CSF1: variants seen among roughly 807,000 people sequenced by gnomAD.
The protein encoded by CSF1 is macrophage colony-stimulating factor 1.
A neutral mutation model predicts 48.9 loss-of-function variants in CSF1; 9 were observed. The ratio of observed to expected loss-of-function variants is 0.18; its 90% CI spans 0.11 to 0.32. The LOEUF is 0.32. Among genes scored for constraint, CSF1 ranks in the 10% least tolerant of loss-of-function variants. The probability of loss-of-function intolerance (pLI) is 1.00; values close to 1 mark genes in which losing one functional copy is unlikely to be tolerated. For missense variants in CSF1, 672 were observed against 697.9 expected (o/e 0.96, Z 0.42); for synonymous variants, 305 against 284.1 (o/e 1.07, Z -0.74).
In CSF1 at chr1:109,924,209, GGAA is replaced by G; in HGVS notation, c.1569+25_1569+27del. The G allele has an allele frequency of 6.3e-7, 1 of 1,582,860 alleles. No individual in the cohort carries two copies. The highest frequency in any genetic ancestry group is 1.3e-5 in the African/African-American group (1 of 74,194). On this transcript the variant is annotated intron_variant, in intron 6 of 8. Transcript: ENST00000329608. ...GCGGCGGGTGAGTAGATCCCCATGA[GGAA>G]GAAGAGCACGTCCCTTAGGGCAGGG...
At position 109,923,697 on chromosome 1, in the gene CSF1, C is replaced by T. The variant is rs778019441; in HGVS notation, c.1076C>T (p.Pro359Leu). Reference sequence around the variant, plus strand: ...CCTGCATCAGCAAAGGGCCAACAGCCGGCAGATGTAACTGGTACCGCCTTG... The same window carrying T: ...CCTGCATCAGCAAAGGGCCAACAGCTGGCAGATGTAACTGGTACCGCCTTG... Reference protein sequence around the residue: ...PLPASAKGQQPADVTGTALPR... With the variant: ...PLPASAKGQQLADVTGTALPR... The change falls in exon 6 of 9, where the codon CCG (proline) becomes CTG (leucine). Residue 359 changes from proline to leucine, a missense_variant. This residue lies in a region of CSF1 where 591 missense variants were observed against 593.6 expected (regional missense o/e 1.00). Transcript: ENST00000329608. 2.1e-5 allele frequency: 34 copies of T among 1,613,402 alleles called. No individual in the cohort carries two copies. The highest frequency in any genetic ancestry group is 3.3e-5 in the South Asian group (3 of 90,992).
rs1308717597 is a variant in CSF1, at chr1:109,929,399, G to C, written c.*561G>C. ...TGCAGCCTGAGAGACGGGAAGAGGAGGCCTCTGGACCTGCTGGTCTGCACT... is the reference window on the plus strand; with the variant it reads ...TGCAGCCTGAGAGACGGGAAGAGGACGCCTCTGGACCTGCTGGTCTGCACT... On this transcript the variant is annotated 3_prime_UTR_variant, in exon 9 of 9. Transcript: ENST00000329608. 3 of 152,672 alleles carry C rather than the reference G, an allele frequency of 2.0e-5. No homozygotes were observed. The highest frequency in any genetic ancestry group is 7.2e-5 in the African/African-American group (3 of 41,450). The allele number at this position is 152,672 out of a possible 1,614,324, so 9.5% of individuals were successfully genotyped here.
intron 1 of CSF1, among the ~76,000 whole-genome samples, chr1:109,913,371 G>A (rs1387796806): frequency 1.3e-5 from 2 of 152,234 alleles, no homozygotes; most frequent in South Asian, 4.1e-4. Context: ...GCTTTTGGCT[G>A]AAGAAGGAGA....
intron 3 of CSF1, among the ~76,000 whole-genome samples, chr1:109,916,041 G>T (rs941406283): frequency 2.6e-5 from 4 of 152,048 alleles, no homozygotes; most frequent in African/African-American, 7.3e-5. Context: ...ATCCAGGAAG[G>T]TTGGCTGTAG....
chr1:109,921,728 A>C (rs1647551959), intron 4 of CSF1, 119 bp from the exon 5 acceptor site: 1 of 1,291,666 alleles, frequency 7.7e-7, no homozygotes, highest in Admixed American at 2.6e-5. Context: ...AAAGGGGAGC[A>C]AGGAAACAAA....
In CSF1 at chr1:109,916,182, C is replaced by T. The variant is rs973442237; in HGVS notation, c.225+486C>T. ...TGGACTTGCCCCACACCCAACCAGC[C>T]ACCAAGTGCTGCTGGTTCTGCCTCT... On this transcript the variant is annotated intron_variant, in intron 3 of 8. Coordinates refer to ENST00000329608, the MANE Select transcript of CSF1 (RefSeq NM_000757.6). Among the ~76,000 whole-genome samples, 8 of 152,160 alleles carry T rather than the reference C, an allele frequency of 5.3e-5. No homozygotes were observed. In the South Asian group the frequency reaches 1.0e-3, roughly 20 times the overall value.
chr1:109,924,831 G>A lies in CSF1; in HGVS notation c.1622+3G>A, dbSNP rs1233303116. ...CCCTTGGAGCAACCAGAGGGCAGGT[G>A]AGAGCTTGAGGTGGGGCTCTGGGAG... On this transcript the variant is annotated splice_donor_region_variant and intron_variant, in intron 7 of 8. Transcript: ENST00000329608. 1 of 1,605,670 alleles carries A rather than the reference G, an allele frequency of 6.2e-7. No homozygotes were observed. Among genetic ancestry groups the A allele is most frequent in the African/African-American group, 1.3e-5 (1 of 74,852 alleles).
Position 109,925,135 on chromosome 1 carries a change from C to G in CSF1, c.1623-12C>G, listed in dbSNP as rs528451758. ...GCTGATGTCTAATACCAGCCCTGTG[C>G]TCTGCCTGCAGCCCCCTGACTCAGG... On this transcript the variant is annotated splice_polypyrimidine_tract_variant and intron_variant, in intron 7 of 8. Coordinates refer to ENST00000329608, the MANE Select transcript of CSF1 (RefSeq NM_000757.6). 1.5e-5 allele frequency: 24 copies of G among 1,613,406 alleles called. No homozygotes were observed. In the South Asian group the frequency reaches 2.1e-4, roughly 14 times the overall value.
intron 5 of CSF1, chr1:109,922,425 C>T (rs1230525485): frequency 1.2e-5 from 2 of 161,244 alleles, no homozygotes; most frequent in African/African-American, 2.4e-5. Flanking sequence ...CTGCGAATCA[C>T]CATGATACCC....
intron 8 of CSF1, chr1:109,926,734 A>G (rs976261615): frequency 3.3e-5 from 5 of 152,086 alleles, no homozygotes; most frequent in African/African-American, 9.7e-5. Context: ...TAGTATATCA[A>G]TTTGCACTTA....
intron 6 of CSF1, among the ~76,000 whole-genome samples, chr1:109,924,460 C>G (rs761119749): frequency 6.6e-6 from 1 of 152,004 alleles, no homozygotes; most frequent in East Asian, 1.9e-4. Context: ...GATATCCAGA[C>G]GGGCAGGGAG....
chr1:109,924,289 T>G, intron 6 of CSF1, 99 bp downstream of exon 6: 1 of 1,027,706 alleles, frequency 9.7e-7, no homozygotes, highest in Non-Finnish European at 1.4e-6. Flanking sequence ...GCGGCCTGAG[T>G]TCTTCAGACA....
chr1:109,915,511 G>A (rs1023360162), intron 2 of CSF1, 123 bp from the exon 3 acceptor site: 6 of 773,954 alleles, frequency 7.8e-6, no homozygotes, highest in Non-Finnish European at 1.4e-5. Context: ...TCCACGTGTG[G>A]TTGGCAGGGA....
chr1:109,922,178 C>T (rs1288465463), intron 5 of CSF1, among the ~76,000 whole-genome samples, 184 bp downstream of exon 5: 1 of 152,208 alleles, frequency 6.6e-6, no homozygotes, highest in African/African-American at 2.4e-5. Context: ...GTCCTGGGCA[C>T]ATGTCTTTTC....
intron 8 of CSF1, among the ~76,000 whole-genome samples, chr1:109,925,784 C>G (rs1002719162): frequency 1.3e-5 from 2 of 152,182 alleles, no homozygotes; most frequent in African/African-American, 4.8e-5. Context: ...CTCTCCATGT[C>G]CCCAACAGGG....
rs148944210 is a variant in CSF1, at chr1:109,923,260, C to G, written c.639C>G (p.Pro213=). 1.2e-6 allele frequency: 2 copies of G among 1,610,130 alleles called. No homozygotes were observed. The highest frequency in any genetic ancestry group is 1.3e-5 in the African/African-American group (1 of 74,966). ...TCTCCCCTCATCAGCCCCTCGCCCC[C>G]TCCATGGCCCCTGTGGCTGGCTTGA... ...ASVSPHQPLA[P]SMAPVAGLTW... The change falls in exon 6 of 9, where the codon CCC becomes CCG. Residue 213 remains proline (P), a synonymous_variant. Transcript: ENST00000329608.
At position 109,930,400 on chromosome 1, in the gene CSF1, C is replaced by T. The variant is rs534017827; in HGVS notation, c.*1562C>T. On this transcript the variant is annotated 3_prime_UTR_variant, in exon 9 of 9. Coordinates refer to ENST00000329608, the MANE Select transcript of CSF1 (RefSeq NM_000757.6). Reference sequence around the variant, plus strand: ...CGAGCGACAGGGCTGCCAGTTGCCCCTGGGTTCCTTTGTGCTGCTGTGTGC... The same window carrying T: ...CGAGCGACAGGGCTGCCAGTTGCCCTTGGGTTCCTTTGTGCTGCTGTGTGC... 2.0e-5 allele frequency: 3 copies of T among 152,538 alleles called. No homozygotes were observed. The highest frequency in any genetic ancestry group is 1.3e-4 in the Admixed American group (2 of 15,300). 9.4% of individuals were successfully genotyped at this position (152,538 alleles called of 1,614,324 possible). A position where few individuals can be genotyped will look rare whatever the true frequency, so the allele number is the denominator to read the frequency against.
Position 109,923,674 on chromosome 1 carries a change from T to C in CSF1, c.1053T>C (p.Pro351=), listed in dbSNP as rs1647685626. The change falls in exon 6 of 9, where the codon CCT becomes CCC. Residue 351 remains proline (P), a synonymous_variant. Coordinates refer to ENST00000329608, the MANE Select transcript of CSF1 (RefSeq NM_000757.6). ...TCCTCTCAGCATCTTCTCCACTCCC[T>C]GCATCAGCAAAGGGCCAACAGCCGG... The part of the protein sequence containing the change: ...SNFLSASSPL[P]ASAKGQQPAD... 1.2e-6 allele frequency: 2 copies of C among 1,613,718 alleles called. No individual in the cohort carries two copies. Among genetic ancestry groups the C allele is most frequent in the Non-Finnish European group, 1.7e-6 (2 of 1,179,774 alleles).
Position 109,914,175 on chromosome 1 carries a change from C to G in CSF1, c.40-84C>G, listed in dbSNP as rs1371893164. ...AGCCTGTAGCATTGTAGATATGAGGCCTTTGTTTTTCTGCGTTGAGCAGGG... is the reference window on the plus strand; with the variant it reads ...AGCCTGTAGCATTGTAGATATGAGGGCTTTGTTTTTCTGCGTTGAGCAGGG... On this transcript the variant is annotated intron_variant, in intron 1 of 8. Transcript: ENST00000329608. 7.1e-6 allele frequency: 10 copies of G among 1,415,544 alleles called. No homozygotes were observed. The East Asian group carries it at 1.3e-4, about 18-fold the overall frequency. 87.7% of individuals were successfully genotyped at this position (1,415,544 alleles called of 1,614,324 possible).
Sources: gnomAD v4.1 joint callset for allele counts (sites outside exome capture counted in the v4.1 genomes callset) on GRCh38, gnomAD v4.1.1 for gene constraint, gnomAD v4.1.1 regional missense constraint, MANE v1.5 for transcripts, NCBI Gene and HGNC (gene_info 2026-07-23, HGNC 2026-07-21) for gene names.